The following GPSM2 variants were observed in gnomAD, a reference collection of about 807,000 sequenced individuals.
GPSM2 encodes G protein-signaling modulator 2.
A neutral mutation model predicts 78.4 loss-of-function variants in GPSM2; 58 were observed. The ratio of observed to expected loss-of-function variants is 0.74; its 90% CI spans 0.60 to 0.92. The LOEUF (loss-of-function observed/expected upper bound fraction) is 0.92, where lower values mean the gene tolerates loss of function less well. Among genes scored for constraint, GPSM2 ranks in the 40% least tolerant of loss-of-function variants. The pLI is 0.00. For missense variants in GPSM2, 700 were observed against 815.5 expected, an observed-to-expected ratio of 0.86 and a Z score of 1.73; for synonymous variants, 224 against 280.2, an observed-to-expected ratio of 0.80 and a Z score of 2.00.
At chr1:108,881,130 G>T (rs867684376) in intron 1 of GPSM2, among the ~76,000 whole-genome samples, 1 of 152,210 alleles carries the variant, frequency 6.6e-6, no homozygotes, top group Non-Finnish European at 1.5e-5. Context: ...TTATGTACTA[G>T]TTGATCTTTC....
intron 7 of GPSM2, 27 bp downstream of exon 7, chr1:108,899,021 T>C (rs775633613): frequency 3.4e-5 from 43 of 1,269,928 alleles, no homozygotes; most frequent in South Asian, 3.2e-4. Flanking sequence ...TGTAGATAAA[T>C]GTAAAATGAA....
chr1:108,904,171 A>G lies in GPSM2; in HGVS notation c.1109A>G (p.Asp370Gly). The G allele has an allele frequency of 6.3e-7, 1 of 1,597,632 alleles. No homozygotes were observed. Among genetic ancestry groups the G allele is most frequent in the Non-Finnish European group, 8.6e-7 (1 of 1,165,600 alleles). The change falls in exon 10 of 15, where the codon GAC becomes GGC. Residue 370 changes from aspartate (D) to glycine (G), a missense_variant. Physicochemically the swap from Asp to Gly is moderately conservative, Grantham distance 94 (BLOSUM62 -1). Transcript: ENST00000264126. ...GELTARLNLS[D>G]LQMVLGLSYS... ...CTAACAGCACGACTTAATCTCTCAGACCTTCAAATGGTTCTTGGTCTGAGC... is the reference window on the plus strand; with the variant it reads ...CTAACAGCACGACTTAATCTCTCAGGCCTTCAAATGGTTCTTGGTCTGAGC...
chr1:108,930,892 A>G lies in GPSM2; in HGVS notation c.*952A>G, dbSNP rs1361285807. 3.0e-5 allele frequency: 2 copies of G among 67,470 alleles called. No homozygotes were observed. Among genetic ancestry groups the G allele is most frequent in the Admixed American group, 2.4e-4 (2 of 8,466 alleles). The allele number at this position is 67,470 out of a possible 1,614,324, so 4.2% of individuals were successfully genotyped here. On this transcript the variant is annotated 3_prime_UTR_variant, in exon 15 of 15. Transcript: ENST00000264126. Reference sequence around the variant, plus strand: ...AGTGACAGAGCAAGACTCTGTCTCAAAAAAAAAAAAAACAGCAAGCATGCT... The same window carrying G: ...AGTGACAGAGCAAGACTCTGTCTCAGAAAAAAAAAAAACAGCAAGCATGCT...
chr1:108,932,508 TGAAA>T lies in GPSM2; in HGVS notation c.*2572_*2575del, dbSNP rs1444740537. The stretch of plus-strand genomic sequence containing the variant: ...TTCATCCCCAAATGGATATCTGTAA[TGAAA>T]GAATACAAAGGTGAAATTTTATTTA... On this transcript the variant is annotated 3_prime_UTR_variant, in exon 15 of 15. Coordinates refer to ENST00000264126, the MANE Select transcript of GPSM2 (RefSeq NM_013296.5). 1.3e-5 allele frequency: 2 copies of T among 152,204 alleles called. No homozygotes were observed. Among genetic ancestry groups the T allele is most frequent in the Non-Finnish European group, 2.9e-5 (2 of 68,038 alleles). The allele number at this position is 152,204 out of a possible 1,614,324, so 9.4% of individuals were successfully genotyped here. A position where few individuals can be genotyped will look rare whatever the true frequency, so the allele number is the denominator to read the frequency against.
intron 10 of GPSM2, among the ~76,000 whole-genome samples, chr1:108,906,307 T>G (rs1649215679): frequency 6.6e-6 from 1 of 152,092 alleles, no homozygotes; most frequent in Non-Finnish European, 1.5e-5. Context: ...CGAACTCTTG[T>G]CCTCAAGAGA....
At chr1:108,917,157 T>C (rs1051696983) in intron 11 of GPSM2, among the ~76,000 whole-genome samples, 4 of 152,180 alleles carry the variant, frequency 2.6e-5, no homozygotes, top group Non-Finnish European at 5.9e-5. Flanking sequence ...TCAAGGACCA[T>C]TTTCCTTTTC....
At chr1:108,919,250 T>C (rs767653011) in intron 12 of GPSM2, among the ~76,000 whole-genome samples, 2 of 152,156 alleles carry the variant, frequency 1.3e-5, no homozygotes, top group Non-Finnish European at 1.5e-5. Flanking sequence ...TCAAATGATT[T>C]GCCTGCCTTG....
chr1:108,898,424 C>G (rs1648546286), intron 5 of GPSM2, among the ~76,000 whole-genome samples: 1 of 152,150 alleles, frequency 6.6e-6, no homozygotes, highest in African/African-American at 2.4e-5. Context: ...TAACTCTGTG[C>G]TTGACCCTGG....
rs776485420 is a variant in GPSM2, at chr1:108,929,865, T to C, written c.1980T>C (p.Phe660=). The stretch of plus-strand genomic sequence containing the variant: ...GAGATCAAAACAGAGACACTGACTT[T>C]GGGCTAAAGGACTTTTTGCAAAATA... ...LQRDQNRDTD[F]GLKDFLQNNA... The change falls in exon 15 of 15, where the codon TTT becomes TTC. Residue 660 remains phenylalanine, a synonymous_variant. Coordinates refer to ENST00000264126, the MANE Select transcript of GPSM2 (RefSeq NM_013296.5). 9 of 1,613,912 alleles carry C rather than the reference T, an allele frequency of 5.6e-6. No homozygotes were observed. Among genetic ancestry groups the C allele is most frequent in the Non-Finnish European group, 7.6e-6 (9 of 1,179,802 alleles).
intron 1 of GPSM2, among the ~76,000 whole-genome samples, chr1:108,880,921 A>C (rs908613793): frequency 1.3e-5 from 2 of 152,226 alleles, no homozygotes; most frequent in African/African-American, 4.8e-5. Flanking sequence ...TCGAAGAAGC[A>C]CAAAATGTAA....
intron 2 of GPSM2, among the ~76,000 whole-genome samples, chr1:108,893,123 C>CA (rs1216521637): frequency 2.0e-5 from 3 of 152,222 alleles, no homozygotes; most frequent in African/African-American, 7.2e-5. Context: ...TGGGATGCCA[C>CA]ATCATTTGGA....
At position 108,924,093 on chromosome 1, in the gene GPSM2, GTTTCAGTAA is replaced by G. The variant is rs1164229534; in HGVS notation, c.1698_1706del (p.Phe566_Asn568del). The stretch of plus-strand genomic sequence containing the variant: ...CGCCGTCTGGATGACCAGAGGGCTA[GTTTCAGTAA>G]TTTGCCAGGGCTTCGTCTAACACAA... On this transcript the variant is annotated inframe_deletion, in exon 14 of 15. Coordinates refer to ENST00000264126, the MANE Select transcript of GPSM2 (RefSeq NM_013296.5). 8 of 1,613,404 alleles carry G rather than the reference GTTTCAGTAA, an allele frequency of 5.0e-6. No homozygotes were observed. The highest frequency in any genetic ancestry group is 5.9e-6 in the Non-Finnish European group (7 of 1,179,466).
intron 1 of GPSM2, among the ~76,000 whole-genome samples, chr1:108,880,880 T>A (rs1250696701): frequency 2.0e-5 from 3 of 152,180 alleles, no homozygotes; most frequent in Admixed American, 6.5e-5. Context: ...GGCATTTAAG[T>A]GGCAGTCAGG....
intron 13 of GPSM2, among the ~76,000 whole-genome samples, 181 bp from the exon 14 acceptor site, chr1:108,923,819 C>T (rs1650916678): frequency 6.6e-6 from 1 of 152,198 alleles, no homozygotes; most frequent in Non-Finnish European, 1.5e-5. Flanking sequence ...TCCCTCCAGC[C>T]AATAAAAACC....
chr1:108,915,154 C>T (rs531669834), intron 11 of GPSM2, among the ~76,000 whole-genome samples: 61 of 151,908 alleles, frequency 4.0e-4, no homozygotes, highest in African/African-American at 1.3e-3. Context: ...GGGTGGATCA[C>T]GAGGTCAGGA....
Position 108,924,214 on chromosome 1 carries a change from A to G in GPSM2, c.1815A>G (p.Gln605=). 1 of 1,595,020 alleles carries G rather than the reference A, an allele frequency of 6.3e-7. No homozygotes were observed. Among genetic ancestry groups the G allele is most frequent in the Non-Finnish European group, 8.6e-7 (1 of 1,162,592 alleles). ...EDFFDILVKC[Q]GSRLDDQRCA... ...TCTTTGACATCCTTGTAAAATGTCA[A>G]GTATGTCTGTATATTTTTTTCGTTC... Residue 605 remains glutamine, a splice_region_variant and synonymous_variant, in exon 14 of 15, where the codon CAA becomes CAG. Coordinates refer to ENST00000264126, the MANE Select transcript of GPSM2 (RefSeq NM_013296.5).
rs867729102 is a variant in GPSM2 at position 108,924,000 on chromosome 1, C to T, written c.1601C>T (p.Thr534Ile). ...SSTPPKMMLK[T>I]SSVPVVSPNT... is the part of the protein sequence containing the mutation. ...TTTGGCTTTCTTCTTCTGTTCTTAG[C>T]ATCATCTGTTCCTGTGGTATCCCCC... Residue 534 changes from threonine (T) to isoleucine (I), a missense_variant and splice_region_variant, in exon 14 of 15, where the codon ACA (threonine) becomes ATA (isoleucine). Thr to Ile is a moderately conservative substitution (Grantham distance 89). Coordinates refer to ENST00000264126, the MANE Select transcript of GPSM2 (RefSeq NM_013296.5). The T allele has an allele frequency of 1.3e-6, 2 of 1,586,742 alleles. No homozygotes were observed. Among genetic ancestry groups the T allele is most frequent in the South Asian group, 1.1e-5 (1 of 90,572 alleles).
At chr1:108,924,751 G>A (rs1489626352) in intron 14 of GPSM2, among the ~76,000 whole-genome samples, 1 of 152,140 alleles carries the variant, frequency 6.6e-6, no homozygotes, top group Non-Finnish European at 1.5e-5. Context: ...GACTGGCATG[G>A]GATGAGTAGG....
rs1484172319 is a variant in GPSM2, at chr1:108,932,975, C to G, written c.*3035C>G. 4 of 152,232 alleles carry G rather than the reference C, an allele frequency of 2.6e-5. No homozygotes were observed. The highest frequency in any genetic ancestry group is 9.7e-5 in the African/African-American group (4 of 41,442). 9.4% of individuals were successfully genotyped at this position (152,232 alleles called of 1,614,324 possible). A position where few individuals can be genotyped will look rare whatever the true frequency, so the allele number is the denominator to read the frequency against. On this transcript the variant is annotated 3_prime_UTR_variant, in exon 15 of 15. Transcript: ENST00000264126. ...ACAGTGGCTCGATCATAACTCACTG[C>G]CACCTCACGATCCTCTTGCCTCAGC...
Sources: allele counts gnomAD v4.1 joint callset (sites outside exome capture counted in the v4.1 genomes callset), GRCh38; gene constraint gnomAD v4.1.1; transcripts MANE v1.5; gene names NCBI Gene and HGNC (gene_info 2026-07-23, HGNC 2026-07-21).